RGS9: variants seen among roughly 807,000 people sequenced by gnomAD.
RGS9 encodes the protein regulator of G-protein signalling 9.
Under a neutral mutation model 102.0 loss-of-function variants are expected in RGS9, and 78 were observed. That is an observed-to-expected ratio of 0.76 (90% CI 0.64 to 0.92). The LOEUF is 0.92. RGS9 is among the 40% of genes least tolerant of loss of function. The pLI is 0.00. For synonymous variants in RGS9, 353 were observed against 318.6 expected, an observed-to-expected ratio of 1.11 and a Z score of -1.15; for missense variants, 833 against 866.1, an observed-to-expected ratio of 0.96 and a Z score of 0.48.
At chr17:65,221,451 GT>G (rs1334357642) in intron 17 of RGS9, among the ~76,000 whole-genome samples, 43 of 152,306 alleles carry the variant, frequency 2.8e-4, no homozygotes, top group Admixed American at 1.6e-3. Context: ...CGAGTTCCTA[GT>G]TTTGGTATTT....
chr17:65,167,362 C>T (rs940429755), intron 7 of RGS9, among the ~76,000 whole-genome samples: 2 of 151,642 alleles, frequency 1.3e-5, no homozygotes, highest in African/African-American at 4.9e-5. Context: ...CCACCATGCC[C>T]GGAACATTTT....
chr17:65,190,734 A>G (rs1453851051), intron 11 of RGS9, among the ~76,000 whole-genome samples: 1 of 152,210 alleles, frequency 6.6e-6, no homozygotes, highest in Non-Finnish European at 1.5e-5. Context: ...CCAGCCCCCC[A>G]TAGGACATCA....
chr17:65,214,618 G>A (rs762752198), intron 17 of RGS9, among the ~76,000 whole-genome samples: 7 of 152,222 alleles, frequency 4.6e-5, no homozygotes, highest in East Asian at 1.9e-4. Flanking sequence ...GCCCAGGCAC[G>A]GCTACTGCTG....
intron 1 of RGS9, among the ~76,000 whole-genome samples, chr17:65,146,760 C>T (rs750862993): frequency 1.6e-4 from 24 of 147,894 alleles, no homozygotes; most frequent in Non-Finnish European, 2.7e-4. Flanking sequence ...CGTAGTGGCG[C>T]GCGCCTGTAG....
At chr17:65,171,548 C>G (rs1911420891) in intron 8 of RGS9, among the ~76,000 whole-genome samples, 1 of 152,206 alleles carries the variant, frequency 6.6e-6, no homozygotes, top group African/African-American at 2.4e-5. Context: ...GTGAGTGACA[C>G]TCTCCCAGAG....
intron 6 of RGS9, among the ~76,000 whole-genome samples, chr17:65,162,663 G>A (rs1339222620): frequency 1.3e-5 from 2 of 151,568 alleles, no homozygotes; most frequent in African/African-American, 2.4e-5. Context: ...TAGAGACAGG[G>A]TTTCACCATG....
chr17:65,154,917 T>C (rs1315687050), intron 2 of RGS9, among the ~76,000 whole-genome samples: 6 of 152,218 alleles, frequency 3.9e-5, no homozygotes, highest in African/African-American at 1.4e-4. Flanking sequence ...CAAGGTGCCC[T>C]AGTCTTTGCA....
At chr17:65,177,324 GCCATCCAT>G (rs1247412110) in intron 8 of RGS9, among the ~76,000 whole-genome samples, 1 of 129,810 alleles carries the variant, frequency 7.7e-6, no homozygotes, top group South Asian at 2.5e-4. Flanking sequence ...CATCTGTCTG[GCCATCCAT>G]CCATCCATCC....
At chr17:65,195,172 C>T (rs1293769041) in intron 12 of RGS9, among the ~76,000 whole-genome samples, 11 of 152,182 alleles carry the variant, frequency 7.2e-5, no homozygotes, top group Non-Finnish European at 1.0e-4. Context: ...CAAGCATGTG[C>T]GGACGCTGGC....
rs749949425 is a variant in RGS9 at position 65,204,160 on chromosome 17, C to G, written c.1065-3C>G. On this transcript the variant is annotated splice_polypyrimidine_tract_variant and splice_region_variant and intron_variant, in intron 14 of 18. Transcript: ENST00000262406. ...TTTTGCTAACATCTCCCTCCCACCC[C>G]AGGCTGTTCCTGGCCCCGGGGGCGA... 1 of 1,612,482 alleles carries G rather than the reference C, an allele frequency of 6.2e-7. No individual in the cohort carries two copies. The highest frequency in any genetic ancestry group is 8.5e-7 in the Non-Finnish European group (1 of 1,180,018).
chr17:65,170,229 A>C (rs114063886), intron 8 of RGS9, among the ~76,000 whole-genome samples: 4,429 of 151,832 alleles, frequency 0.029, 203 homozygotes, highest in African/African-American at 0.099. Flanking sequence ...TAATTTTGGC[A>C]TTTTTAGTAG....
At chr17:65,154,652 G>A (rs1243098052) in intron 2 of RGS9, among the ~76,000 whole-genome samples, 1 of 152,204 alleles carries the variant, frequency 6.6e-6, no homozygotes, top group African/African-American at 2.4e-5. Context: ...GTGTGTGGGG[G>A]TGAGGTGCCT....
chr17:65,193,768 A>G, intron 12 of RGS9, 112 bp downstream of exon 12: 1 of 714,106 alleles, frequency 1.4e-6, no homozygotes, highest in Non-Finnish European at 2.5e-6. Context: ...TATTATATTC[A>G]TAGAGCTACA....
At chr17:65,161,716 T>TTATA (rs1910992802) in intron 6 of RGS9, among the ~76,000 whole-genome samples, 2 of 147,088 alleles carry the variant, frequency 1.4e-5, no homozygotes, top group East Asian at 2.0e-4. Flanking sequence ...ATATATTTAT[T>TTATA]TATTTATTTA....
chr17:65,223,047 A>T (rs1280555761), intron 17 of RGS9, among the ~76,000 whole-genome samples: 1 of 152,214 alleles, frequency 6.6e-6, no homozygotes, highest in Non-Finnish European at 1.5e-5. Context: ...TAGTGTCCTC[A>T]TCTGTAAAAT....
chr17:65,203,407 A>T (rs1912930492), intron 14 of RGS9, among the ~76,000 whole-genome samples: 2 of 152,306 alleles, frequency 1.3e-5, no homozygotes, highest in Non-Finnish European at 2.9e-5. Flanking sequence ...AAAATCTGCT[A>T]CAGGAAGCCC....
chr17:65,189,306 C>A lies in RGS9; in HGVS notation c.675C>A (p.Val225=). 1 of 1,610,988 alleles carries A rather than the reference C, an allele frequency of 6.2e-7. No homozygotes were observed. Among genetic ancestry groups the A allele is most frequent in the South Asian group, 1.1e-5 (1 of 90,980 alleles). The change falls in exon 10 of 19, where the codon GTC becomes GTA. Residue 225 remains valine, a synonymous_variant. Coordinates refer to ENST00000262406, the MANE Select transcript of RGS9 (RefSeq NM_003835.4). ...KVNQKQTVVA[V]KKEIMYYQQA... Reference sequence around the variant, plus strand: ...TACAGAAACAAACAGTCGTTGCTGTCAAAAAAGAGGTAATTAGTCTTACAC... The same window carrying A: ...TACAGAAACAAACAGTCGTTGCTGTAAAAAAAGAGGTAATTAGTCTTACAC...
In RGS9 at chr17:65,162,898, G is replaced by A. The variant is rs1343379041; in HGVS notation, c.424-115G>A. ...AACCAGCTTAGATACCATCGGGCTG[G>A]GTCCATGGTTGCCATGAGCCAGGGG... On this transcript the variant is annotated intron_variant, in intron 6 of 18. Transcript: ENST00000262406. The A allele has an allele frequency of 4.3e-6, 3 of 695,268 alleles. No homozygotes were observed. In the South Asian group the frequency reaches 4.6e-5, roughly 11 times the overall value. 43.1% of individuals were successfully genotyped at this position (695,268 alleles called of 1,614,324 possible). A position where few individuals can be genotyped will look rare whatever the true frequency, so the allele number is the denominator to read the frequency against.
intron 9 of RGS9, among the ~76,000 whole-genome samples, chr17:65,181,456 A>T (rs1321963428): frequency 1.3e-5 from 2 of 152,222 alleles, no homozygotes; most frequent in African/African-American, 4.8e-5. Context: ...TAAGGAGGAA[A>T]GTCATTAGGT....
Sources: gnomAD v4.1 joint callset for allele counts (sites outside exome capture counted in the v4.1 genomes callset) on GRCh38, gnomAD v4.1.1 for gene constraint, MANE v1.5 for transcripts, NCBI Gene and HGNC (gene_info 2026-07-23, HGNC 2026-07-21) for gene names.